Variants in HNRNPA1L2 observed in about 807,000 individuals in gnomAD.
HNRNPA1L2 encodes the protein heterogeneous nuclear ribonucleoprotein A1 like 2.
Under a neutral mutation model 18.2 loss-of-function variants are expected in HNRNPA1L2, and 10 were observed. That is an observed-to-expected ratio of 0.55 (90% CI 0.34 to 0.93). The LOEUF (loss-of-function observed/expected upper bound fraction) is 0.93, where lower values mean the gene tolerates loss of function less well. Among genes scored for constraint, HNRNPA1L2 ranks in the 40% least tolerant of loss-of-function variants. The probability of loss-of-function intolerance (pLI) is 0.02; values close to 1 mark genes in which losing one functional copy is unlikely to be tolerated. For missense variants in HNRNPA1L2, 308 were observed against 394.4 expected, an observed-to-expected ratio of 0.78 and a Z score of 1.85; for synonymous variants, 124 against 138.6, an observed-to-expected ratio of 0.89 and a Z score of 0.74.
the HNRNPA1L2 span, chr13:52,632,539 T>G: frequency 1.3e-5 from 2 of 153,378 alleles, no homozygotes; most frequent in Non-Finnish European, 2.9e-5. Flanking sequence ...ATATTCCATC[T>G]TTTCAAGATG....
chr13:52,634,617 T>C, the HNRNPA1L2 span, among the ~76,000 whole-genome samples: 1 of 152,226 alleles, frequency 6.6e-6, no homozygotes, highest in African/African-American at 2.4e-5. Flanking sequence ...GGAAATATAA[T>C]TGGCATTCAG....
chr13:52,627,753 A>G, the HNRNPA1L2 span, among the ~76,000 whole-genome samples: 1 of 152,208 alleles, frequency 6.6e-6, no homozygotes, highest in Non-Finnish European at 1.5e-5. Context: ...TGTCTTAAGT[A>G]AGATTATAGT....
upstream of HNRNPA1L2, among the ~76,000 whole-genome samples, chr13:52,638,760 A>T (rs1961544991): frequency 6.6e-6 from 1 of 152,218 alleles, no homozygotes; most frequent in Non-Finnish European, 1.5e-5. Flanking sequence ...TATTAATTCC[A>T]GGACTAAGCA....
chr13:52,622,221 A>G, the HNRNPA1L2 span: 3 of 155,678 alleles, frequency 1.9e-5, no homozygotes, highest in East Asian at 3.8e-4. Flanking sequence ...AAAAGCTACA[A>G]CTGGCGGGCC....
the HNRNPA1L2 span, among the ~76,000 whole-genome samples, chr13:52,636,877 G>A: frequency 1.3e-5 from 2 of 152,060 alleles, no homozygotes; most frequent in Non-Finnish European, 2.9e-5. Context: ...TATCACCCAG[G>A]TCGGAATGCA....
chr13:52,618,570 A>G, the HNRNPA1L2 span, among the ~76,000 whole-genome samples: 1 of 152,220 alleles, frequency 6.6e-6, no homozygotes, highest in Non-Finnish European at 1.5e-5. Flanking sequence ...AGAGATAGCA[A>G]AGATTTCAAC....
At chr13:52,629,324 T>C in the HNRNPA1L2 span, 1 of 220,510 alleles carries the variant, frequency 4.5e-6, no homozygotes, top group Non-Finnish European at 9.8e-6. Context: ...ATGACAATTA[T>C]CCTGGCCTGG....
the HNRNPA1L2 span, among the ~76,000 whole-genome samples, chr13:52,622,566 G>C: frequency 6.6e-6 from 1 of 152,108 alleles, no homozygotes; most frequent in Non-Finnish European, 1.5e-5. Flanking sequence ...CTACTTAACT[G>C]CCTCTTTAAG....
At chr13:52,625,021 A>G in the HNRNPA1L2 span, among the ~76,000 whole-genome samples, 1 of 152,048 alleles carries the variant, frequency 6.6e-6, no homozygotes, top group East Asian at 1.9e-4. Context: ...ACAGAGTGAG[A>G]CCCTATCTCA....
At chr13:52,627,387 TAAG>T in the HNRNPA1L2 span, 1 of 162,452 alleles carries the variant, frequency 6.2e-6, no homozygotes, top group Non-Finnish European at 1.3e-5. Context: ...ACTGGCATAA[TAAG>T]CAATCTCTCT....
In HNRNPA1L2 at chr13:52,642,674, C is replaced by T. The variant is rs1961696987; in HGVS notation, c.182C>T (p.Thr61Ile). 6.2e-7 allele frequency: 1 copy of T among 1,610,214 alleles called. No individual in the cohort carries two copies. The highest frequency in any genetic ancestry group is 8.5e-7 in the Non-Finnish European group (1 of 1,179,838). Residue 61 changes from threonine to isoleucine, a missense_variant, in exon 1 of 1, where the codon ACA (threonine) becomes ATA (isoleucine). Coordinates refer to ENST00000357495, the MANE Select transcript of HNRNPA1L2 (RefSeq NM_001389320.1). ...CGCTCCAGGGGCTTTGGGTTTGTCA[C>T]ATATGCCACTGTGGAGGAGGTGGAT... ...TKRSRGFGFV[T>I]YATVEEVDAA...
At chr13:52,619,172 A>G in the HNRNPA1L2 span, among the ~76,000 whole-genome samples, 1 of 149,952 alleles carries the variant, frequency 6.7e-6, no homozygotes, top group Non-Finnish European at 1.5e-5. Flanking sequence ...CTAATTTTGT[A>G]TTTTTAGTAG....
At chr13:52,633,706 G>A in the HNRNPA1L2 span, among the ~76,000 whole-genome samples, 1 of 152,128 alleles carries the variant, frequency 6.6e-6, no homozygotes, top group Non-Finnish European at 1.5e-5. Flanking sequence ...CTAGCAACCT[G>A]GGAGGTTGAG....
chr13:52,632,023 T>G, the HNRNPA1L2 span, among the ~76,000 whole-genome samples: 2 of 152,234 alleles, frequency 1.3e-5, no homozygotes, highest in Non-Finnish European at 2.9e-5. Context: ...TAATTATAAT[T>G]TGTAATTAAA....
chr13:52,619,850 G>A, the HNRNPA1L2 span, among the ~76,000 whole-genome samples: 1 of 149,698 alleles, frequency 6.7e-6, no homozygotes, highest in African/African-American at 2.5e-5. Context: ...GAACCCGGGA[G>A]GCGGAGCTTG....
chr13:52,626,524 G>T, the HNRNPA1L2 span, among the ~76,000 whole-genome samples: 3 of 151,336 alleles, frequency 2.0e-5, no homozygotes, highest in Non-Finnish European at 4.4e-5. Context: ...TATTTAGGAA[G>T]CTTTTAAAAG....
rs544908211 is a variant in HNRNPA1L2, at chr13:52,642,644, C to T, written c.152C>T (p.Thr51Ile). 1.6e-5 allele frequency: 25 copies of T among 1,611,700 alleles called. No homozygotes were observed. The highest frequency in any genetic ancestry group is 1.9e-5 in the Non-Finnish European group (23 of 1,179,842). Residue 51 changes from threonine to isoleucine, a missense_variant, in exon 1 of 1, where the codon ACC (threonine) becomes ATC (isoleucine). By Grantham distance (89) the Thr-to-Ile change is moderately conservative. Transcript: ENST00000357495. ...TDCVVMRDPN[T>I]KRSRGFGFVT... The stretch of plus-strand genomic sequence containing the variant: ...TGTGTGGTAATGAGAGATCCAAACA[C>T]CAAGCGCTCCAGGGGCTTTGGGTTT...
chr13:52,641,603 A>G (rs1961658014), upstream of HNRNPA1L2: 2 of 152,172 alleles, frequency 1.3e-5, no homozygotes. Flanking sequence ...TCTAAAGGTC[A>G]CTGTTCTTAT....
the HNRNPA1L2 span, among the ~76,000 whole-genome samples, chr13:52,626,409 A>G: frequency 6.7e-6 from 1 of 149,962 alleles, no homozygotes; most frequent in African/African-American, 2.5e-5. Context: ...TTCACGACAT[A>G]CTGAGATCCC....
Sources: gnomAD v4.1 joint callset for allele counts (sites outside exome capture counted in the v4.1 genomes callset) on GRCh38, gnomAD v4.1.1 for gene constraint, MANE v1.5 for transcripts, NCBI Gene and HGNC (gene_info 2026-07-23, HGNC 2026-07-21) for gene names.